The following PLCB1 variants were observed in gnomAD, a reference collection of about 807,000 sequenced individuals.
The protein encoded by PLCB1 is phospholipase C beta 1, also known as 1-phosphatidylinositol 4,5-bisphosphate phosphodiesterase beta-1.
PLCB1 carries 46 observed loss-of-function variants against 161.8 expected under a neutral mutation model. The ratio of observed to expected loss-of-function variants is 0.28; its 90% CI spans 0.22 to 0.36. The LOEUF (loss-of-function observed/expected upper bound fraction) is 0.36. PLCB1 is among the 10% of genes least tolerant of loss of function. The pLI is 1.00. For missense variants in PLCB1, 1,016 were observed against 1,472.5 expected (o/e 0.69, Z 5.07); for synonymous variants, 517 against 503.7 (o/e 1.03, Z -0.35).
chr20:8,762,734 C>A (rs534771751), intron 25 of PLCB1, among the ~76,000 whole-genome samples: 2 of 152,178 alleles, frequency 1.3e-5, no homozygotes, highest in Admixed American at 6.5e-5. Flanking sequence ...CAAAAGAGAT[C>A]GAATGTCAGG....
At chr20:8,487,152 G>T (rs73899108) in intron 3 of PLCB1, among the ~76,000 whole-genome samples, 8,283 of 152,188 alleles carry the variant, frequency 0.054, 481 homozygotes, top group African/African-American at 0.14. Context: ...AAATTCAAAG[G>T]TTTATCCTGT....
intron 2 of PLCB1, among the ~76,000 whole-genome samples, chr20:8,244,343 A>C (rs1980768937): frequency 1.3e-5 from 2 of 151,996 alleles, no homozygotes; most frequent in Admixed American, 6.6e-5. Context: ...ATTATTTATC[A>C]ACAATTGGAT....
chr20:8,536,297 C>T (rs1219638327), intron 3 of PLCB1, among the ~76,000 whole-genome samples: 1 of 151,964 alleles, frequency 6.6e-6, no homozygotes, highest in African/African-American at 2.4e-5. Flanking sequence ...GGAAAAAAAC[C>T]ACCATGTTAG....
At chr20:8,451,807 C>T (rs1981085782) in intron 3 of PLCB1, among the ~76,000 whole-genome samples, 2 of 151,616 alleles carry the variant, frequency 1.3e-5, no homozygotes, top group Non-Finnish European at 2.9e-5. Flanking sequence ...TTCATTCCTT[C>T]CTCCCTTCTT....
chr20:8,209,411 A>T (rs1179136401), intron 2 of PLCB1, among the ~76,000 whole-genome samples: 1 of 152,144 alleles, frequency 6.6e-6, no homozygotes, highest in East Asian at 1.9e-4. Flanking sequence ...GGAGTTAGTT[A>T]TTGTCTTCAA....
intron 9 of PLCB1, among the ~76,000 whole-genome samples, chr20:8,676,175 G>A (rs974151194): frequency 6.6e-6 from 1 of 152,198 alleles, no homozygotes; most frequent in Non-Finnish European, 1.5e-5. Context: ...TTAGAGACCA[G>A]CCTGGTGAAA....
intron 31 of PLCB1, among the ~76,000 whole-genome samples, chr20:8,877,129 A>G (rs1365998795): frequency 6.6e-6 from 1 of 152,216 alleles, no homozygotes; most frequent in Non-Finnish European, 1.5e-5. Context: ...TAGAAATTCA[A>G]CACATATTAG....
At chr20:8,685,608 G>A (rs975813636) in intron 10 of PLCB1, among the ~76,000 whole-genome samples, 32 of 150,972 alleles carry the variant, frequency 2.1e-4, no homozygotes, top group Non-Finnish European at 3.5e-4. Flanking sequence ...GTGGTGGTGC[G>A]TGCCTGTAAA....
chr20:8,173,215 C>G (rs1356855139), intron 2 of PLCB1, among the ~76,000 whole-genome samples: 9 of 152,150 alleles, frequency 5.9e-5, no homozygotes, highest in Non-Finnish European at 1.3e-4. Flanking sequence ...TCTCTCCTGC[C>G]CAGAGACACT....
chr20:8,404,186 G>T (rs766980621), intron 3 of PLCB1, among the ~76,000 whole-genome samples: 4 of 152,150 alleles, frequency 2.6e-5, no homozygotes, highest in Non-Finnish European at 5.9e-5. Flanking sequence ...TGGGTTTTGT[G>T]ATTTCATGGA....
chr20:8,737,120 A>G lies in PLCB1; in HGVS notation c.2136A>G (p.Ala712=). The part of the protein sequence containing the change: ...FGLPVDTRRK[A]FKTKTSQGNA... ...TGCCTGTGGATACAAGGAGGAAGGC[A>G]TTTAAGACCAAAACATCCCAAGGAA... The change falls in exon 20 of 32, where the codon GCA becomes GCG. Residue 712 remains alanine (A), a synonymous_variant. Transcript: ENST00000338037. 6.2e-7 allele frequency: 1 copy of G among 1,613,944 alleles called. No homozygotes were observed. Among genetic ancestry groups the G allele is most frequent in the South Asian group, 1.1e-5 (1 of 91,080 alleles).
intron 27 of PLCB1, among the ~76,000 whole-genome samples, chr20:8,776,472 T>G (rs1982949818): frequency 6.6e-6 from 1 of 152,178 alleles, no homozygotes; most frequent in Admixed American, 6.5e-5. Flanking sequence ...CACAGCAAAC[T>G]TCTTCATTAT....
At position 8,271,377 on chromosome 20, in the gene PLCB1, C is replaced by G. The variant is rs553181423; in HGVS notation, c.178-100005C>G. On this transcript the variant is annotated intron_variant, in intron 2 of 31. Coordinates refer to ENST00000338037, the MANE Select transcript of PLCB1 (RefSeq NM_015192.4). ...ATGAAGGGTGTGTACATACCTACCT[C>G]CAGTAGAATCTCAATATCCCATTGT... Among the ~76,000 whole-genome samples, 8 of 152,184 alleles carry G rather than the reference C, an allele frequency of 5.3e-5. No individual in the cohort carries two copies. In the South Asian group the frequency reaches 1.0e-3, roughly 20 times the overall value.
At chr20:8,779,571 T>TCTACA (rs10672423) in intron 27 of PLCB1, among the ~76,000 whole-genome samples, 1,735 of 137,228 alleles carry the variant, frequency 0.013, 38 homozygotes, top group African/African-American at 0.043. Flanking sequence ...TCTAAATAAC[T>TCTACA]CTACAGTCTG....
intron 4 of PLCB1, among the ~76,000 whole-genome samples, chr20:8,631,142 AG>A (rs1211475297): frequency 1.4e-4 from 21 of 152,242 alleles, no homozygotes; most frequent in African/African-American, 5.1e-4. Context: ...ACAGTCACAC[AG>A]GGAGCCTGTT....
chr20:8,275,305 G>T (rs1439766890), intron 2 of PLCB1, among the ~76,000 whole-genome samples: 2 of 148,170 alleles, frequency 1.3e-5, no homozygotes, highest in African/African-American at 2.5e-5. Context: ...ACATGGTCAG[G>T]CTTCATTAGC....
At chr20:8,608,145 T>A (rs1171206932) in intron 3 of PLCB1, among the ~76,000 whole-genome samples, 1 of 152,218 alleles carries the variant, frequency 6.6e-6, no homozygotes, top group Non-Finnish European at 1.5e-5. Context: ...TTAAAATTAA[T>A]GCATTCTGTG....
At chr20:8,368,834 C>T (rs953419535) in intron 2 of PLCB1, among the ~76,000 whole-genome samples, 10 of 152,192 alleles carry the variant, frequency 6.6e-5, no homozygotes, top group South Asian at 2.1e-4. Context: ...AGTTTCTACC[C>T]GCAATTTCCT....
At chr20:8,655,115 T>G (rs571439328) in intron 7 of PLCB1, among the ~76,000 whole-genome samples, 2 of 152,226 alleles carry the variant, frequency 1.3e-5, no homozygotes, top group East Asian at 3.9e-4. Flanking sequence ...TTTATTCAGA[T>G]TATCTCTTTA....
Sources: gnomAD v4.1 joint callset for allele counts (sites outside exome capture counted in the v4.1 genomes callset) on GRCh38, gnomAD v4.1.1 for gene constraint, MANE v1.5 for transcripts, NCBI Gene and HGNC (gene_info 2026-07-23, HGNC 2026-07-21) for gene names.